PHF20: variants seen among roughly 807,000 people sequenced by gnomAD.
The protein encoded by PHF20 is PHD finger protein 20, also known as glioma-expressed antigen 2.
PHF20 carries 23 observed loss-of-function variants against 113.5 expected under a neutral mutation model. The ratio of observed to expected loss-of-function variants is 0.20; its 90% CI spans 0.15 to 0.29. The LOEUF is 0.29. Among genes scored for constraint, PHF20 ranks in the 10% least tolerant of loss-of-function variants. The probability of loss-of-function intolerance (pLI) is 1.00; values close to 1 mark genes in which losing one functional copy is unlikely to be tolerated. For missense variants in PHF20, 943 were observed against 1,219.6 expected (o/e 0.77, Z 3.38); for synonymous variants, 434 against 457.3 (o/e 0.95, Z 0.65).
At chr20:35,780,221 CTTTTTTTTTT>C (rs930285446) in intron 1 of PHF20, among the ~76,000 whole-genome samples, 50 of 123,270 alleles carry the variant, frequency 4.1e-4, no homozygotes, top group South Asian at 5.4e-4. Flanking sequence ...CCCCAGATTT[CTTTTTTTTTT>C]TTTTTTTTTT....
At chr20:35,890,115 C>T (rs1032444085) in intron 9 of PHF20, among the ~76,000 whole-genome samples, 2 of 151,988 alleles carry the variant, frequency 1.3e-5, no homozygotes, top group Non-Finnish European at 2.9e-5. Context: ...GCAGCATCGA[C>T]CTCCTGGGTT....
chr20:35,928,967 A>G (rs573883743), intron 14 of PHF20, among the ~76,000 whole-genome samples: 1 of 152,090 alleles, frequency 6.6e-6, no homozygotes, highest in African/African-American at 2.4e-5. Context: ...GAAGGGGTGG[A>G]TTGTAAATAT....
chr20:35,898,199 A>G (rs1036249547), intron 9 of PHF20, among the ~76,000 whole-genome samples: 1 of 152,172 alleles, frequency 6.6e-6, no homozygotes, highest in Non-Finnish European at 1.5e-5. Context: ...TGATCAGACA[A>G]AGTATATTGT....
At chr20:35,926,508 G>C (rs1323479239) in intron 13 of PHF20, among the ~76,000 whole-genome samples, 9 of 151,956 alleles carry the variant, frequency 5.9e-5, no homozygotes, top group Non-Finnish European at 1.2e-4. Flanking sequence ...CAAAGTGCTG[G>C]GATTACAAGC....
intron 14 of PHF20, among the ~76,000 whole-genome samples, chr20:35,929,799 T>A (rs2055715975): frequency 6.6e-6 from 1 of 152,268 alleles, no homozygotes; most frequent in Non-Finnish European, 1.5e-5. Context: ...AGGGTCTACC[T>A]TTATAGACTG....
At chr20:35,839,039 C>T (rs2042494416) in intron 2 of PHF20, among the ~76,000 whole-genome samples, 1 of 150,648 alleles carries the variant, frequency 6.6e-6, no homozygotes, top group African/African-American at 2.4e-5. Flanking sequence ...AAATTTCCTG[C>T]CTTAGTCCAA....
At chr20:35,870,531 AC>A (rs1222104801) in intron 7 of PHF20, among the ~76,000 whole-genome samples, 1 of 151,960 alleles carries the variant, frequency 6.6e-6, no homozygotes, top group Non-Finnish European at 1.5e-5. Flanking sequence ...TTAAAAAAAT[AC>A]CCTCTGGAGT....
intron 9 of PHF20, among the ~76,000 whole-genome samples, chr20:35,887,412 A>G (rs1198809452): frequency 6.6e-6 from 1 of 152,070 alleles, no homozygotes; most frequent in African/African-American, 2.4e-5. Context: ...TCTACTGGGG[A>G]GGGTTTCAGG....
At chr20:35,784,037 G>A (rs1455020914) in intron 1 of PHF20, among the ~76,000 whole-genome samples, 1 of 150,990 alleles carries the variant, frequency 6.6e-6, no homozygotes, top group Non-Finnish European at 1.5e-5. Flanking sequence ...CCACTGTCCC[G>A]CCCTTACGTT....
chr20:35,780,221 CTTTTTT>C (rs930285446), intron 1 of PHF20, among the ~76,000 whole-genome samples: 1 of 123,270 alleles, frequency 8.1e-6, no homozygotes, highest in South Asian at 2.7e-4. Context: ...CCCCAGATTT[CTTTTTT>C]TTTTTTTTTT....
intron 13 of PHF20, among the ~76,000 whole-genome samples, chr20:35,918,062 A>C (rs2055440073): frequency 6.6e-6 from 1 of 152,174 alleles, no homozygotes; most frequent in Admixed American, 6.5e-5. Context: ...AAAGTCATGC[A>C]GGCTGGCTTT....
intron 1 of PHF20, among the ~76,000 whole-genome samples, chr20:35,786,686 G>A (rs1412381515): frequency 6.6e-6 from 1 of 152,132 alleles, no homozygotes; most frequent in African/African-American, 2.4e-5. Flanking sequence ...TGGCGACAGA[G>A]CTTGACTCCG....
intron 9 of PHF20, among the ~76,000 whole-genome samples, chr20:35,885,794 A>G (rs2054719333): frequency 6.6e-6 from 1 of 152,056 alleles, no homozygotes; most frequent in Non-Finnish European, 1.5e-5. Flanking sequence ...CCCCCTTTAT[A>G]ATGAATACAT....
intron 9 of PHF20, among the ~76,000 whole-genome samples, chr20:35,885,138 C>A (rs541178228): frequency 6.6e-6 from 1 of 152,190 alleles, no homozygotes; most frequent in Non-Finnish European, 1.5e-5. Flanking sequence ...CCAGCCCTCT[C>A]CCAGATTTTT....
At chr20:35,888,977 G>A (rs550306971) in intron 9 of PHF20, among the ~76,000 whole-genome samples, 1 of 150,402 alleles carries the variant, frequency 6.6e-6, no homozygotes, top group East Asian at 1.9e-4. Context: ...GGCCCAGCAG[G>A]CCCATTTGAC....
At chr20:35,915,103 C>CAACCTAAT (rs1225685850) in intron 12 of PHF20, among the ~76,000 whole-genome samples, 1 of 148,370 alleles carries the variant, frequency 6.7e-6, no homozygotes, top group African/African-American at 2.5e-5. Flanking sequence ...TATATGTGCT[C>CAACCTAAT]AACCTAATAT....
rs2056134086 is a variant in PHF20 at position 35,949,094 on chromosome 20, A to G, written c.*1467A>G. 1 of 152,692 alleles carries G rather than the reference A, an allele frequency of 6.5e-6. No individual in the cohort carries two copies. Among genetic ancestry groups the G allele is most frequent in the Admixed American group, 6.5e-5 (1 of 15,288 alleles). The allele number at this position is 152,692 out of a possible 1,614,324, so 9.5% of individuals were successfully genotyped here. On this transcript the variant is annotated 3_prime_UTR_variant, in exon 18 of 18. Coordinates refer to ENST00000374012, the MANE Select transcript of PHF20 (RefSeq NM_016436.5). The stretch of plus-strand genomic sequence containing the variant: ...TGTCTAGTGATTTGCTCACCATTTG[A>G]TATATAATGAATTATAGGACAAGTA...
chr20:35,839,461 G>C (rs2042504766), intron 2 of PHF20, among the ~76,000 whole-genome samples: 1 of 151,898 alleles, frequency 6.6e-6, no homozygotes, highest in Non-Finnish European at 1.5e-5. Context: ...TTATTTTAGA[G>C]AGGTTTACTA....
chr20:35,824,554 C>T (rs1600787936), intron 2 of PHF20, among the ~76,000 whole-genome samples: 1 of 151,706 alleles, frequency 6.6e-6, no homozygotes, highest in Non-Finnish European at 1.5e-5. Context: ...TTTCAGTGAG[C>T]CAAGATCACG....
Sources: gnomAD v4.1 joint callset for allele counts (sites outside exome capture counted in the v4.1 genomes callset) on GRCh38, gnomAD v4.1.1 for gene constraint, MANE v1.5 for transcripts, NCBI Gene and HGNC (gene_info 2026-07-23, HGNC 2026-07-21) for gene names.